The following MON2 variants were observed in gnomAD, a reference collection of about 807,000 sequenced individuals.
The protein encoded by MON2 is MON2 regulator of endosome-to-Golgi trafficking, also known as protein MON2 homolog.
Under a neutral mutation model 208.6 loss-of-function variants are expected in MON2, and 84 were observed. The ratio of observed to expected loss-of-function variants is 0.40; its 90% confidence interval spans 0.34 to 0.48. The LOEUF (loss-of-function observed/expected upper bound fraction) is 0.48. MON2 is among the 20% of genes least tolerant of loss of function. The pLI is 0.59. For synonymous variants in MON2, 660 were observed against 694.0 expected (o/e 0.95, Z 0.77); for missense variants, 1,611 against 2,015.4 (o/e 0.80, Z 3.84).
At chr12:62,544,542 T>C (rs2073398273) in intron 20 of MON2, among the ~76,000 whole-genome samples, 2 of 152,326 alleles carry the variant, frequency 1.3e-5, no homozygotes, top group Middle Eastern at 3.4e-3. Context: ...TTAAAGGCTA[T>C]GTGCAGATGC....
chr12:62,497,261 A>G (rs2070563614), intron 4 of MON2, among the ~76,000 whole-genome samples: 1 of 151,796 alleles, frequency 6.6e-6, no homozygotes, highest in South Asian at 2.1e-4. Flanking sequence ...ACATGTACAC[A>G]TATGTAACTA....
At chr12:62,525,896 G>C in intron 10 of MON2, 53 bp from the exon 11 acceptor site, 1 of 1,542,580 alleles carries the variant, frequency 6.5e-7, no homozygotes, top group Non-Finnish European at 8.9e-7. Context: ...TTACTGATTT[G>C]TAGTCAAGTA....
intron 7 of MON2, 111 bp downstream of exon 7, chr12:62,501,809 G>C: frequency 8.3e-7 from 1 of 1,200,980 alleles, no homozygotes; most frequent in African/African-American, 1.5e-5. Flanking sequence ...AAAGAGGCCA[G>C]AGTTGGTGGT....
intron 11 of MON2, among the ~76,000 whole-genome samples, chr12:62,530,601 G>T (rs1039435700): frequency 3.9e-5 from 6 of 152,136 alleles, no homozygotes; most frequent in Non-Finnish European, 8.8e-5. Flanking sequence ...ATGTCTGAAT[G>T]ATATTCCAAT....
rs991461140 is a variant in MON2, at chr12:62,565,117, T to C, written c.4033-120T>C. 7.4e-6 allele frequency: 7 copies of C among 942,776 alleles called. No homozygotes were observed. The African/African-American group carries it at 1.0e-4, about 14-fold the overall frequency. 58.4% of individuals were successfully genotyped at this position (942,776 alleles called of 1,614,324 possible). A position where few individuals can be genotyped will look rare whatever the true frequency, so the allele number is the denominator to read the frequency against. On this transcript the variant is annotated intron_variant, in intron 26 of 34. Transcript: ENST00000393630. ...TGTGTCCTTTAGGGCTCAGAAAAGATGGTATAATACATAAAATAAGACAGT... is the reference window on the plus strand; with the variant it reads ...TGTGTCCTTTAGGGCTCAGAAAAGACGGTATAATACATAAAATAAGACAGT...
intron 1 of MON2, among the ~76,000 whole-genome samples, chr12:62,469,991 A>C (rs2068714880): frequency 6.6e-6 from 1 of 151,608 alleles, no homozygotes; most frequent in Non-Finnish European, 1.5e-5. Flanking sequence ...TGCAGCGTTG[A>C]CATCCTGGGT....
chr12:62,543,755 A>C (rs550727041), intron 20 of MON2, among the ~76,000 whole-genome samples: 3 of 152,128 alleles, frequency 2.0e-5, no homozygotes, highest in South Asian at 2.1e-4. Flanking sequence ...TTACAGGCGC[A>C]TACCACCACA....
chr12:62,579,434 A>AT (rs1417565596), intron 31 of MON2, among the ~76,000 whole-genome samples: 5 of 151,848 alleles, frequency 3.3e-5, no homozygotes, highest in Non-Finnish European at 5.9e-5. Context: ...ACTTTAAAAT[A>AT]TACATTTGGC....
At chr12:62,500,217 G>T (rs1201134199) in intron 5 of MON2, among the ~76,000 whole-genome samples, 4 of 152,088 alleles carry the variant, frequency 2.6e-5, no homozygotes, top group African/African-American at 9.7e-5. Flanking sequence ...TCAGGTAGTC[G>T]TTAAGTCAAT....
chr12:62,566,743 G>C (rs1227892326), intron 29 of MON2, among the ~76,000 whole-genome samples: 1 of 131,996 alleles, frequency 7.6e-6, no homozygotes. Context: ...GTTGTGGGGT[G>C]GGGGGAGGGG....
At chr12:62,527,932 A>G (rs542115757) in intron 11 of MON2, among the ~76,000 whole-genome samples, 4 of 152,024 alleles carry the variant, frequency 2.6e-5, no homozygotes, top group Non-Finnish European at 4.4e-5. Context: ...GTAAAAGCCT[A>G]CCAACACTGT....
At position 62,532,663 on chromosome 12, in the gene MON2, G is replaced by A. The variant is rs768232355; in HGVS notation, c.1626G>A (p.Lys542=). 5 of 1,606,144 alleles carry A rather than the reference G, an allele frequency of 3.1e-6. No individual in the cohort carries two copies. The African/African-American group carries it at 5.4e-5, about 17-fold the overall frequency. The change falls in exon 12 of 35, where the codon AAG becomes AAA. Residue 542 remains lysine, a synonymous_variant. Transcript: ENST00000393630. ...DLQSTSDQMD[K]EIVSRAVWEE... ...AGTCAACATCAGACCAAATGGATAA[G>A]GAAATTGGTATGAGTCTGTATTTTT...
intron 24 of MON2, among the ~76,000 whole-genome samples, 185 bp from the exon 25 acceptor site, chr12:62,555,807 TAA>T (rs36090980): frequency 1.3e-3 from 158 of 120,212 alleles, no homozygotes; most frequent in South Asian, 2.2e-3. Flanking sequence ...AGACTCCATC[TAA>T]AAAAAAAAAA....
intron 10 of MON2, among the ~76,000 whole-genome samples, chr12:62,525,443 G>C (rs1311702138): frequency 6.6e-6 from 1 of 152,070 alleles, no homozygotes; most frequent in Non-Finnish European, 1.5e-5. Context: ...CAGTTTCTCT[G>C]ATCACATAAG....
chr12:62,537,861 C>T (rs754387907), intron 16 of MON2, among the ~76,000 whole-genome samples, 155 bp downstream of exon 16: 1 of 152,128 alleles, frequency 6.6e-6, no homozygotes, highest in Non-Finnish European at 1.5e-5. Context: ...AGATGTGACT[C>T]ATATTGTAGG....
In MON2 at chr12:62,592,576, T is replaced by C; in HGVS notation, c.4991-10T>C. The C allele has an allele frequency of 2.5e-6, 4 of 1,575,660 alleles. No homozygotes were observed. The highest frequency in any genetic ancestry group is 3.5e-6 in the Non-Finnish European group (4 of 1,151,634). Reference sequence around the variant, plus strand: ...CCACCCTTTTGAGGTTTTATACTTTTGCATTACAGTTGATGGAAATACCTG... The same window carrying C: ...CCACCCTTTTGAGGTTTTATACTTTCGCATTACAGTTGATGGAAATACCTG... On this transcript the variant is annotated splice_polypyrimidine_tract_variant and intron_variant, in intron 34 of 34. Coordinates refer to ENST00000393630, the MANE Select transcript of MON2 (RefSeq NM_015026.3).
chr12:62,555,595 A>G (rs995074634), intron 24 of MON2, among the ~76,000 whole-genome samples: 14 of 152,190 alleles, frequency 9.2e-5, no homozygotes, highest in Non-Finnish European at 1.8e-4. Flanking sequence ...AGTTCACCTC[A>G]GGTCAGAAGT....
Position 62,597,583 on chromosome 12 carries a change from A to C in MON2, c.*4834A>C, listed in dbSNP as rs974608137. On this transcript the variant is annotated 3_prime_UTR_variant, in exon 35 of 35. Coordinates refer to ENST00000393630, the MANE Select transcript of MON2 (RefSeq NM_015026.3). ...CTAAAAATAAAAAAAAATTGTGACT[A>C]TAACTCCTACTGTCTTTATGAATAC... 1.3e-5 allele frequency: 2 copies of C among 152,232 alleles called. No homozygotes were observed. 9.4% of individuals were successfully genotyped at this position (152,232 alleles called of 1,614,324 possible). A position where few individuals can be genotyped will look rare whatever the true frequency, so the allele number is the denominator to read the frequency against.
At chr12:62,531,299 G>A (rs1166106130) in intron 11 of MON2, among the ~76,000 whole-genome samples, 2 of 151,932 alleles carry the variant, frequency 1.3e-5, no homozygotes, top group African/African-American at 2.4e-5. Flanking sequence ...TGCCTAATCC[G>A]AGGTAGTGAA....
Sources: gnomAD v4.1 joint callset for allele counts (sites outside exome capture counted in the v4.1 genomes callset) on GRCh38, gnomAD v4.1.1 for gene constraint, MANE v1.5 for transcripts, NCBI Gene and HGNC (gene_info 2026-07-23, HGNC 2026-07-21) for gene names.